TMEM242: variants seen among roughly 807,000 people sequenced by gnomAD.
TMEM242 encodes the protein transmembrane protein 242, also known as UPF0463 transmembrane protein C6orf35.
Under a neutral mutation model 18.2 loss-of-function variants are expected in TMEM242, and 10 were observed. That is an observed-to-expected ratio of 0.55 (90% CI 0.34 to 0.93). The LOEUF is 0.93. TMEM242 is among the 40% of genes least tolerant of loss of function. TMEM242 has a pLI of 0.02. For synonymous variants in TMEM242, 57 were observed against 69.9 expected (o/e 0.81, Z 0.92); for missense variants, 186 against 175.5 (o/e 1.06, Z -0.34).
rs1554250868 is a variant in TMEM242, at chr6:157,323,430, G to C, written c.70C>G (p.Arg24Gly). The change falls in exon 1 of 4, where the codon CGG becomes GGG. Residue 24 changes from arginine (R) to glycine (G), a missense_variant. Transcript: ENST00000400788. ...GLEAPGSTND[R>G]LFLVKGGIFL... is the part of the protein sequence containing the mutation. ...ATCTTACCTTTAACCAGGAAAAGCC[G>C]GTCATTCGTGGACCCCGGAGCCTCC... The C allele has an allele frequency of 6.2e-7, 1 of 1,614,086 alleles. No individual in the cohort carries two copies.
rs1354680878 is a variant in TMEM242 at position 157,290,653 on chromosome 6, A to C, written c.*2248T>G. On this transcript the variant is annotated 3_prime_UTR_variant, in exon 4 of 4. Coordinates refer to ENST00000400788, the MANE Select transcript of TMEM242 (RefSeq NM_018452.6). Reference sequence around the variant, plus strand: ...ACAAAAGGAATAGACAAATGACGAAATCTACTGATATTCAAGTTCTGACTG... The same window carrying C: ...ACAAAAGGAATAGACAAATGACGAACTCTACTGATATTCAAGTTCTGACTG... 6.6e-6 allele frequency: 1 copy of C among 152,228 alleles called. No individual in the cohort carries two copies. Among genetic ancestry groups the C allele is most frequent in the East Asian group, 1.9e-4 (1 of 5,196 alleles). The allele number at this position is 152,228 out of a possible 1,614,324, so 9.4% of individuals were successfully genotyped here.
chr6:157,305,028 T>C lies in TMEM242; in HGVS notation c.328-12029A>G, dbSNP rs1777891142. ...CAGTGAGGTTGGTGGGGCTACATCA[T>C]GTAAACCTTCTTCAACAGGAAGCCA... On this transcript the variant is annotated intron_variant, in intron 3 of 3. Transcript: ENST00000400788. The surrounding 1 kb of genome is among the most constrained non-coding windows in gnomAD (Gnocchi z 4.1). 6.6e-6 allele frequency among the ~76,000 whole-genome samples: 1 copy of C among 152,194 alleles called. No homozygotes were observed. Among genetic ancestry groups the C allele is most frequent in the Non-Finnish European group, 1.5e-5 (1 of 68,020 alleles).
chr6:157,309,957 G>A (rs1777972705), intron 3 of TMEM242, among the ~76,000 whole-genome samples: 3 of 152,198 alleles, frequency 2.0e-5, no homozygotes, highest in Non-Finnish European at 4.4e-5. Flanking sequence ...TGTTCATTCT[G>A]CCAGTCCTTT....
intron 2 of TMEM242, among the ~76,000 whole-genome samples, 193 bp from the exon 3 acceptor site, chr6:157,319,112 G>A (rs1324323193): frequency 3.3e-5 from 5 of 152,146 alleles, no homozygotes; most frequent in African/African-American, 9.7e-5. Flanking sequence ...AGTATGCAAG[G>A]CACCTTGCCT....
chr6:157,316,150 C>A (rs1190545354), intron 3 of TMEM242, among the ~76,000 whole-genome samples: 1 of 152,196 alleles, frequency 6.6e-6, no homozygotes, highest in Non-Finnish European at 1.5e-5. Flanking sequence ...CATCACATAT[C>A]AGTTCCACAC....
intron 3 of TMEM242, among the ~76,000 whole-genome samples, chr6:157,294,168 C>T (rs1777719965): frequency 6.6e-6 from 1 of 152,056 alleles, no homozygotes; most frequent in African/African-American, 2.4e-5. Context: ...TAACACACTC[C>T]CTGATTCATC....
At chr6:157,310,676 G>A in intron 3 of TMEM242, among the ~76,000 whole-genome samples, 1 of 151,048 alleles carries the variant, frequency 6.6e-6, no homozygotes, top group Non-Finnish European at 1.5e-5. Flanking sequence ...TAGTGTCCCA[G>A]TGTGCGCTCA....
chr6:157,305,185 C>T lies in TMEM242; in HGVS notation c.328-12186G>A, dbSNP rs587758641. On this transcript the variant is annotated intron_variant, in intron 3 of 3. Transcript: ENST00000400788. The surrounding 1 kb of genome is among the most constrained non-coding windows in gnomAD (Gnocchi z 4.1). ...GAAACTGGACAGGAAACTCTTAAAA[C>T]ACTAGGCAACAGAGGAATGGATGTG... Among the ~76,000 whole-genome samples, 6 of 152,218 alleles carry T rather than the reference C, an allele frequency of 3.9e-5. No homozygotes were observed. In the South Asian group the frequency reaches 1.0e-3, roughly 26 times the overall value.
rs1468866227 is a variant in TMEM242, at chr6:157,292,481, T to C, written c.*420A>G. 6.5e-6 allele frequency: 1 copy of C among 154,476 alleles called. No individual in the cohort carries two copies. Among genetic ancestry groups the C allele is most frequent in the Non-Finnish European group, 1.4e-5 (1 of 69,572 alleles). 9.6% of individuals were successfully genotyped at this position (154,476 alleles called of 1,614,324 possible). On this transcript the variant is annotated 3_prime_UTR_variant, in exon 4 of 4. Coordinates refer to ENST00000400788, the MANE Select transcript of TMEM242 (RefSeq NM_018452.6). ...AATAAGACTTCCAAGTTCTGTCATA[T>C]ATTGACAAGAAAGGCTCTTGAAACT... is the stretch of plus-strand genomic sequence containing the variant.
chr6:157,314,130 G>A (rs868978259), intron 3 of TMEM242, among the ~76,000 whole-genome samples: 84 of 3,194 alleles, frequency 0.026, no homozygotes, highest in Non-Finnish European at 0.029. Flanking sequence ...CCCAGTGTGC[G>A]CTCACCCGGC....
intron 3 of TMEM242, among the ~76,000 whole-genome samples, chr6:157,311,264 A>C: frequency 6.6e-6 from 1 of 151,274 alleles, no homozygotes; most frequent in Non-Finnish European, 1.5e-5. Flanking sequence ...ACCTAGCCTC[A>C]TCATAGTGCC....
At position 157,305,551 on chromosome 6, in the gene TMEM242, T is replaced by C. The variant is rs192841008; in HGVS notation, c.328-12552A>G. Among the ~76,000 whole-genome samples the C allele has an allele frequency of 6.6e-5, 10 of 152,178 alleles. No individual in the cohort carries two copies. In the East Asian group the frequency reaches 1.5e-3, roughly 24 times the overall value. ...GGCTATGTATCTGGACGGCATCAGA[T>C]AGTACTGTTTGTTTTAAAGTGGCAG... On this transcript the variant is annotated intron_variant, in intron 3 of 3. Transcript: ENST00000400788. This position sits in a 1 kb window ranked among gnomAD's most constrained non-coding sequence, Gnocchi z 4.1.
chr6:157,316,480 A>G (rs1778393684), intron 3 of TMEM242, among the ~76,000 whole-genome samples: 2 of 152,216 alleles, frequency 1.3e-5, no homozygotes, highest in African/African-American at 4.8e-5. Context: ...TGAGGTTAAC[A>G]GCAAAAATCA....
At position 157,323,475 on chromosome 6, in the gene TMEM242, C is replaced by A; in HGVS notation, c.25G>T (p.Gly9Trp). The part of the protein sequence containing the change: METAGAAT[G>W]QPASGLEAPG... The stretch of plus-strand genomic sequence containing the variant: ...GCCTCCAGCCCAGAGGCCGGCTGCC[C>A]AGTTGCAGCGCCCGCTGTCTCCATG... Residue 9 changes from glycine to tryptophan, a missense_variant, in exon 1 of 4, where the codon GGG (glycine) becomes TGG (tryptophan). By Grantham distance (184) the Gly-to-Trp change is radical (BLOSUM62 -2). Transcript: ENST00000400788. 1 of 1,613,978 alleles carries A rather than the reference C, an allele frequency of 6.2e-7. No individual in the cohort carries two copies. Among genetic ancestry groups the A allele is most frequent in the South Asian group, 1.1e-5 (1 of 91,078 alleles).
intron 3 of TMEM242, among the ~76,000 whole-genome samples, chr6:157,300,782 G>C (rs1777819891): frequency 6.6e-6 from 1 of 152,210 alleles, no homozygotes; most frequent in African/African-American, 2.4e-5. Flanking sequence ...TCTCATGCTA[G>C]AGGAAAGCCT....
rs1583570698 is a variant in TMEM242 at position 157,313,036 on chromosome 6, C to A, written c.327+5746G>T. Among the ~76,000 whole-genome samples, 3 of 152,292 alleles carry A rather than the reference C, an allele frequency of 2.0e-5. No homozygotes were observed. In the East Asian group the frequency reaches 5.8e-4, roughly 29 times the overall value. On this transcript the variant is annotated intron_variant, in intron 3 of 3. Transcript: ENST00000400788. ...CGCTCACCTAGCCTCATCATAGTGTCCCAGTGTGCACTCACCTGGCCTCAT... is the reference window on the plus strand; with the variant it reads ...CGCTCACCTAGCCTCATCATAGTGTACCAGTGTGCACTCACCTGGCCTCAT...
In TMEM242 at chr6:157,305,659, G is replaced by C. The variant is rs1395377259; in HGVS notation, c.328-12660C>G. Among the ~76,000 whole-genome samples the C allele has an allele frequency of 1.3e-5, 2 of 152,204 alleles. No individual in the cohort carries two copies. The highest frequency in any genetic ancestry group is 4.8e-5 in the African/African-American group (2 of 41,442). ...AGGAGCTACTGGACACTGATGTTAA[G>C]AGGCTGGCCAGGGGAGGGGTTGGCA... is the stretch of plus-strand genomic sequence containing the variant. On this transcript the variant is annotated intron_variant, in intron 3 of 3. Transcript: ENST00000400788. This position sits in a 1 kb window ranked among gnomAD's most constrained non-coding sequence, Gnocchi z 4.1.
chr6:157,318,827 A>G lies in TMEM242; in HGVS notation c.282T>C (p.Val94=). ...TCCAGACTGCGAAGCTAATCACACC[A>G]ACCCCACACCATGCATACAGGGAGC... The part of the protein sequence containing the change: ...GWGSLYAWCG[V]GVISFAVWKA... The change falls in exon 3 of 4, where the codon GTT becomes GTC. Residue 94 remains valine, a synonymous_variant. Coordinates refer to ENST00000400788, the MANE Select transcript of TMEM242 (RefSeq NM_018452.6). 1 of 1,614,070 alleles carries G rather than the reference A, an allele frequency of 6.2e-7. No individual in the cohort carries two copies. The highest frequency in any genetic ancestry group is 1.1e-5 in the South Asian group (1 of 91,066).
intron 3 of TMEM242, among the ~76,000 whole-genome samples, chr6:157,310,168 T>C (rs1285929725): frequency 1.3e-5 from 2 of 152,228 alleles, no homozygotes; most frequent in African/African-American, 4.8e-5. Context: ...ACACGTACTA[T>C]AAATAATAAA....
Sources: gnomAD v4.1 joint callset for allele counts (sites outside exome capture counted in the v4.1 genomes callset) on GRCh38, gnomAD v4.1.1 for gene constraint, Gnocchi (gnomAD v3.1) non-coding constraint, MANE v1.5 for transcripts, NCBI Gene and HGNC (gene_info 2026-07-23, HGNC 2026-07-21) for gene names.